SLC18B1: variants seen among roughly 807,000 people sequenced by gnomAD.
The protein encoded by SLC18B1 is MFS-type transporter SLC18B1.
A neutral mutation model predicts 53.9 loss-of-function variants in SLC18B1; 62 were observed. The ratio of observed to expected loss-of-function variants is 1.15; its 90% CI spans 0.94 to 1.42. The LOEUF is 1.42. Ranked by LOEUF, SLC18B1 falls within the 40% of genes most tolerant of loss-of-function variation. The pLI is 0.00. For missense variants in SLC18B1, 598 were observed against 547.3 expected (o/e 1.09, Z -0.93); for synonymous variants, 217 against 200.9 (o/e 1.08, Z -0.68).
intron 4 of SLC18B1, 189 bp downstream of exon 4, chr6:132,789,575 G>A: frequency 5.9e-6 from 3 of 511,776 alleles, no homozygotes; most frequent in Non-Finnish European, 1.1e-5. Flanking sequence ...TCCCCCGGAG[G>A]CCTGTTTCCT....
intron 2 of SLC18B1, among the ~76,000 whole-genome samples, chr6:132,792,142 C>G (rs1036279217): frequency 2.7e-5 from 4 of 150,836 alleles, no homozygotes; most frequent in African/African-American, 9.8e-5. Context: ...GCAGGACAAT[C>G]ACTTGAACCC....
At chr6:132,779,502 T>C in intron 6 of SLC18B1, 98 bp from the exon 7 acceptor site, 1 of 1,315,620 alleles carries the variant, frequency 7.6e-7, no homozygotes, top group Non-Finnish European at 1.0e-6. Flanking sequence ...CTTTATCTGG[T>C]AATCAAAATG....
intron 6 of SLC18B1, 23 bp from the exon 7 acceptor site, chr6:132,779,427 G>GA (rs58960388): frequency 6.5e-3 from 8,816 of 1,357,194 alleles, no homozygotes; most frequent in South Asian, 9.8e-3. Flanking sequence ...AATGAAAAAA[G>GA]AAAAAAAAAA....
chr6:132,778,633 CTT>C, intron 7 of SLC18B1, among the ~76,000 whole-genome samples: 1 of 152,018 alleles, frequency 6.6e-6, no homozygotes, highest in South Asian at 2.1e-4. Context: ...TCATTTTTGC[CTT>C]TTATCAACAC....
intron 5 of SLC18B1, among the ~76,000 whole-genome samples, chr6:132,786,311 T>C (rs975782609): frequency 3.8e-4 from 58 of 152,144 alleles, no homozygotes; most frequent in African/African-American, 1.4e-3. Context: ...TTTGGGAGGC[T>C]GAGGCAGGTG....
At position 132,791,950 on chromosome 6, in the gene SLC18B1, G is replaced by A. The variant is rs529464281; in HGVS notation, c.184-1678C>T. The stretch of plus-strand genomic sequence containing the variant: ...AACGCATAAGAAAAATATGCGTGCC[G>A]GGCATGGGGGCTCACGCCTGTAATC... On this transcript the variant is annotated intron_variant, in intron 2 of 13. Coordinates refer to ENST00000275227, the MANE Select transcript of SLC18B1 (RefSeq NM_052831.3). Among the ~76,000 whole-genome samples, 461 of 152,082 alleles carry A rather than the reference G, an allele frequency of 3.0e-3. 2 individuals are homozygous for A. Among genetic ancestry groups the A allele is most frequent in the Non-Finnish European group, 5.0e-3 (338 of 67,998 alleles).
intron 2 of SLC18B1, among the ~76,000 whole-genome samples, chr6:132,792,331 G>T (rs1343696586): frequency 8.4e-6 from 1 of 118,988 alleles, no homozygotes. Context: ...AAGGAAGGAA[G>T]GAAGGAAGGA....
At chr6:132,789,365 C>G (rs1191227844) in intron 4 of SLC18B1, 1 of 163,940 alleles carries the variant, frequency 6.1e-6, no homozygotes, top group Admixed American at 6.0e-5. Context: ...AGGGCTTGTT[C>G]AAATCACAAG....
chr6:132,773,355 G>A (rs1027307888), intron 9 of SLC18B1, among the ~76,000 whole-genome samples: 1 of 152,050 alleles, frequency 6.6e-6, no homozygotes, highest in Non-Finnish European at 1.5e-5. Context: ...TCACATATCT[G>A]GAGCCAACCT....
At chr6:132,798,292 G>T in intron 1 of SLC18B1, 122 bp downstream of exon 1, 1 of 1,108,818 alleles carries the variant, frequency 9.0e-7, no homozygotes, top group Non-Finnish European at 1.2e-6. Flanking sequence ...CCACGATCAG[G>T]CCCCAGCCTT....
rs1006482398 is a variant in SLC18B1, at chr6:132,769,452, A to G, written c.*818T>C. 3 of 152,226 alleles carry G rather than the reference A, an allele frequency of 2.0e-5. No individual in the cohort carries two copies. Among genetic ancestry groups the G allele is most frequent in the Non-Finnish European group, 4.4e-5 (3 of 68,042 alleles). 9.4% of individuals were successfully genotyped at this position (152,226 alleles called of 1,614,324 possible). A position where few individuals can be genotyped will look rare whatever the true frequency, so the allele number is the denominator to read the frequency against. On this transcript the variant is annotated 3_prime_UTR_variant, in exon 14 of 14. Transcript: ENST00000275227. Reference sequence around the variant, plus strand: ...GAGGAAGCCCTTCCCTAACAAAACAAGCATTCGCATTAGGGGAAGGAGGCT... The same window carrying G: ...GAGGAAGCCCTTCCCTAACAAAACAGGCATTCGCATTAGGGGAAGGAGGCT...
At position 132,790,231 on chromosome 6, in the gene SLC18B1, G is replaced by A. The variant is rs1781489004; in HGVS notation, c.225C>T (p.Ile75=). The A allele has an allele frequency of 6.3e-7, 1 of 1,576,372 alleles. No individual in the cohort carries two copies. Among genetic ancestry groups the A allele is most frequent in the African/African-American group, 1.4e-5 (1 of 74,058 alleles). Residue 75 remains isoleucine, a synonymous_variant, in exon 3 of 14, where the codon ATC becomes ATT. Transcript: ENST00000275227. ...KGASNTIIGM[I]FGCFALFELL... ...ACTCGAACAAAGCAAAACATCCAAA[G>A]ATCATACCGATAATTGTATTGCTGG...
At chr6:132,777,452 G>A (rs748305267) in intron 7 of SLC18B1, among the ~76,000 whole-genome samples, 23 of 152,306 alleles carry the variant, frequency 1.5e-4, no homozygotes, top group Non-Finnish European at 2.6e-4. Context: ...GGTGGCTCAC[G>A]CCTGTAATCC....
chr6:132,786,317 A>G (rs1202816570), intron 5 of SLC18B1, among the ~76,000 whole-genome samples: 57 of 152,230 alleles, frequency 3.7e-4, no homozygotes, highest in African/African-American at 1.4e-3. Context: ...AGGCTGAGGC[A>G]GGTGGATCAC....
At chr6:132,789,594 A>C in intron 4 of SLC18B1, 170 bp downstream of exon 4, 2 of 540,896 alleles carry the variant, frequency 3.7e-6, no homozygotes. Context: ...CTTAAAATCA[A>C]TGCCATTTAT....
chr6:132,792,284 G>GAAAGAAAGAAAGAAAGAAAGAAAGGAAGA (rs1461079612), intron 2 of SLC18B1, among the ~76,000 whole-genome samples: 3 of 37,776 alleles, frequency 7.9e-5, no homozygotes, highest in Non-Finnish European at 1.4e-4. Flanking sequence ...AGAAAGAAAG[G>GAAAGAAAGAAAGAAAGAAAGAAAGGAAGA]AAGAAAGGAA....
At chr6:132,787,372 G>A (rs895558945) in intron 5 of SLC18B1, 62 bp downstream of exon 5, 2 of 1,432,714 alleles carry the variant, frequency 1.4e-6, no homozygotes, top group South Asian at 1.6e-5. Context: ...GCTTTAACTT[G>A]GAAGGGCAAA....
At position 132,797,128 on chromosome 6, in the gene SLC18B1, T is replaced by C. The variant is rs372141474; in HGVS notation, c.44-7A>G. 4 of 1,612,234 alleles carry C rather than the reference T, an allele frequency of 2.5e-6. No homozygotes were observed. The African/African-American group carries it at 4.0e-5, about 16-fold the overall frequency. ...CTTCCTGCAGGATCATCACCTTGAATGCAAACATGCAGCAATTAGGCATAT... is the reference window on the plus strand; with the variant it reads ...CTTCCTGCAGGATCATCACCTTGAACGCAAACATGCAGCAATTAGGCATAT... On this transcript the variant is annotated splice_region_variant and splice_polypyrimidine_tract_variant and intron_variant, in intron 1 of 13. Transcript: ENST00000275227.
chr6:132,782,445 T>C (rs1251808278), intron 6 of SLC18B1, among the ~76,000 whole-genome samples: 2 of 152,166 alleles, frequency 1.3e-5, no homozygotes, highest in East Asian at 3.9e-4. Context: ...TTTTCAAGTG[T>C]CCAATATGTT....
Sources: allele counts gnomAD v4.1 joint callset (sites outside exome capture counted in the v4.1 genomes callset), GRCh38; gene constraint gnomAD v4.1.1; transcripts MANE v1.5; gene names NCBI Gene and HGNC (gene_info 2026-07-23, HGNC 2026-07-21).